ANK3: variants seen among roughly 807,000 people sequenced by gnomAD.
ANK3 encodes ankyrin 3.
ANK3 carries 57 observed loss-of-function variants against 370.9 expected under a neutral mutation model. The observed-to-expected ratio is 0.15, with a 90% CI of 0.12 to 0.19. The LOEUF (loss-of-function observed/expected upper bound fraction) is 0.19, where lower values mean the gene tolerates loss of function less well. Ranked by LOEUF, ANK3 falls within the 10% of genes least tolerant of loss-of-function variation. The probability of loss-of-function intolerance (pLI) is 1.00; values close to 1 mark genes in which losing one functional copy is unlikely to be tolerated. For missense variants in ANK3, 4,439 were observed against 5,302.1 expected (o/e 0.84, Z 5.06); for synonymous variants, 1,929 against 1,946.3 (o/e 0.99, Z 0.23).
chr10:60,491,202 T>G (rs1567087374), intron 2 of ANK3, among the ~76,000 whole-genome samples: 2 of 152,200 alleles, frequency 1.3e-5, no homozygotes, highest in East Asian at 1.9e-4. Context: ...CTGATTCTAG[T>G]TTTTTAATAA....
intron 8 of ANK3, among the ~76,000 whole-genome samples, chr10:60,213,979 T>C (rs2096895980): frequency 6.6e-6 from 1 of 152,156 alleles, no homozygotes; most frequent in Admixed American, 6.6e-5. Flanking sequence ...CATGAAATTA[T>C]ATAAGTTTAA....
intron 2 of ANK3, among the ~76,000 whole-genome samples, chr10:60,428,442 A>G (rs1226624121): frequency 6.6e-6 from 1 of 152,202 alleles, no homozygotes; most frequent in Non-Finnish European, 1.5e-5. Context: ...AGATTGAAAG[A>G]TTGAAAATAA....
chr10:60,344,980 T>C (rs529862872), intron 1 of ANK3, among the ~76,000 whole-genome samples: 7 of 152,310 alleles, frequency 4.6e-5, no homozygotes, highest in South Asian at 4.1e-4. Context: ...ATTTGTATAG[T>C]TGGGTCTTCA....
intron 1 of ANK3, among the ~76,000 whole-genome samples, chr10:60,338,699 CT>C (rs2053586943): frequency 6.6e-6 from 1 of 152,088 alleles, no homozygotes; most frequent in South Asian, 2.1e-4. Flanking sequence ...GCTGAAAGTT[CT>C]CCCCTTTGAT....
At chr10:60,573,380 CAACT>C (rs978553830) in intron 2 of ANK3, among the ~76,000 whole-genome samples, 8 of 152,006 alleles carry the variant, frequency 5.3e-5, no homozygotes, top group East Asian at 1.9e-4. Context: ...ACCAACCAAC[CAACT>C]AACAAGAAAC....
At chr10:60,088,121 G>T in intron 29 of ANK3, 26 bp downstream of exon 29, 1 of 1,603,810 alleles carries the variant, frequency 6.2e-7, no homozygotes, top group Non-Finnish European at 8.5e-7. Flanking sequence ...CGCATACTGA[G>T]GGAAACAACT....
chr10:60,450,823 T>C (rs2064581172), intron 2 of ANK3, among the ~76,000 whole-genome samples: 1 of 152,164 alleles, frequency 6.6e-6, no homozygotes, highest in African/African-American at 2.4e-5. Flanking sequence ...ACAGAACACT[T>C]AACGTGAATT....
At chr10:60,151,434 C>A (rs2095110336) in intron 23 of ANK3, among the ~76,000 whole-genome samples, 1 of 152,176 alleles carries the variant, frequency 6.6e-6, no homozygotes, top group Non-Finnish European at 1.5e-5. Flanking sequence ...AAGATTCATT[C>A]ATACTGTTGT....
rs2096782147 is a variant in ANK3 at position 60,207,460 on chromosome 10, A to G, written c.1194+576T>C. Among the ~76,000 whole-genome samples, 3 of 152,326 alleles carry G rather than the reference A, an allele frequency of 2.0e-5. No individual in the cohort carries two copies. In the South Asian group the frequency reaches 6.2e-4, roughly 32 times the overall value. On this transcript the variant is annotated intron_variant, in intron 10 of 43. Transcript: ENST00000280772. Reference sequence around the variant, plus strand: ...AATTTGGGACCATTTATTTTTGCAAAGACAACAAGTACCATCTTGCTGAGA... The same window carrying G: ...AATTTGGGACCATTTATTTTTGCAAGGACAACAAGTACCATCTTGCTGAGA...
chr10:60,223,237 T>G (rs2097090837), intron 8 of ANK3, among the ~76,000 whole-genome samples: 1 of 152,228 alleles, frequency 6.6e-6, no homozygotes, highest in African/African-American at 2.4e-5. Context: ...CAAGTCAGTT[T>G]AGCCAGAAGT....
At chr10:60,406,737 G>T (rs1054386790) in intron 2 of ANK3, among the ~76,000 whole-genome samples, 2 of 152,186 alleles carry the variant, frequency 1.3e-5, no homozygotes, top group African/African-American at 2.4e-5. Context: ...AATTAATCTG[G>T]TTTTTCCTAT....
chr10:60,284,936 C>A (rs2098222528), intron 1 of ANK3, among the ~76,000 whole-genome samples: 1 of 152,008 alleles, frequency 6.6e-6, no homozygotes, highest in Non-Finnish European at 1.5e-5. Context: ...CTTCAAATTC[C>A]TTTTTTCTAC....
At chr10:60,466,358 C>T (rs77730854) in intron 2 of ANK3, among the ~76,000 whole-genome samples, 2 of 152,102 alleles carry the variant, frequency 1.3e-5, no homozygotes, top group Admixed American at 1.3e-4. Flanking sequence ...TAAACCCTCA[C>T]GATGCCAATA....
intron 12 of ANK3, among the ~76,000 whole-genome samples, chr10:60,202,115 T>G (rs1422836700): frequency 6.6e-5 from 10 of 152,064 alleles, no homozygotes; most frequent in Admixed American, 6.6e-4. Flanking sequence ...CCCCATACTT[T>G]ATTTTTTATT....
At chr10:60,243,376 C>T (rs1335284361) in intron 7 of ANK3, among the ~76,000 whole-genome samples, 2 of 152,082 alleles carry the variant, frequency 1.3e-5, no homozygotes, top group Non-Finnish European at 2.9e-5. Context: ...AGGGTATGGC[C>T]TCCACAATGG....
chr10:60,521,877 GAAAGCTACTA>G (rs2076355478), intron 2 of ANK3, among the ~76,000 whole-genome samples: 1 of 152,034 alleles, frequency 6.6e-6, no homozygotes, highest in Admixed American at 6.6e-5. Flanking sequence ...AGCAGATAAT[GAAAGCTACTA>G]AAATATCAAC....
intron 43 of ANK3, among the ~76,000 whole-genome samples, chr10:60,038,024 T>C (rs748419087): frequency 2.0e-5 from 3 of 152,262 alleles, no homozygotes; most frequent in East Asian, 1.9e-4. Flanking sequence ...GTGGTTTTAA[T>C]GTGCAATTCT....
Position 60,406,188 on chromosome 10 carries a change from T to A in ANK3, c.97-126549A>T, listed in dbSNP as rs575174266. Among the ~76,000 whole-genome samples the A allele has an allele frequency of 1.6e-4, 25 of 152,288 alleles. No homozygotes were observed. In the South Asian group the frequency reaches 5.2e-3, roughly 32 times the overall value. On this transcript the variant is annotated intron_variant, in intron 2 of 43. Transcript: ENST00000373827. ...CAGACCATACATAATACCACAACAA[T>A]TGAACTCTGCTTTTGTAGCATGAAA...
At chr10:60,238,127 A>C (rs7908312) in intron 7 of ANK3, among the ~76,000 whole-genome samples, 26,189 of 152,156 alleles carry the variant, frequency 0.17, 2,362 homozygotes, top group African/African-American at 0.19. Context: ...ATCAAAATGA[A>C]AGTGGTACCT....
Sources: allele counts gnomAD v4.1 joint callset (sites outside exome capture counted in the v4.1 genomes callset), GRCh38; gene constraint gnomAD v4.1.1; transcripts MANE v1.5; gene names NCBI Gene and HGNC (gene_info 2026-07-23, HGNC 2026-07-21).